ZNF469: variants seen among roughly 807,000 people sequenced by gnomAD.
The protein encoded by ZNF469 is zinc finger protein 469.
In ZNF469, 1 loss-of-function variant was observed where a neutral mutation model predicts 1.0. The observed-to-expected ratio is 1.00, with a 90% CI of 0.35 to 4.73. The LOEUF is 4.73. Among genes scored for constraint, ZNF469 ranks in the 30% most tolerant of loss-of-function variants. The pLI is 0.16. For synonymous variants in ZNF469, 2,703 were observed against 2,363.4 expected, an observed-to-expected ratio of 1.14 and a Z score of -4.17; for missense variants, 6,100 against 5,356.3, an observed-to-expected ratio of 1.14 and a Z score of -4.33.
rs749520338 is a variant in ZNF469, at chr16:88,439,226, C to A, written c.11756C>A (p.Pro3919Gln). Residue 3919 changes from proline to glutamine, a missense_variant, in exon 3 of 3, where the codon CCA (proline) becomes CAA (glutamine). Transcript: ENST00000565624. ...TAVHGAEPAE[P>Q]HTHRTAEAQS... is the part of the protein sequence containing the mutation. ...GTCCACGGTGCTGAACCTGCCGAGC[C>A]ACACACCCACCGGACGGCCGAGGCC... 6.5e-7 allele frequency: 1 copy of A among 1,550,364 alleles called. No individual in the cohort carries two copies. The highest frequency in any genetic ancestry group is 2.0e-5 in the Admixed American group (1 of 50,998).
At chr16:88,154,215 T>C in the ZNF469 span, among the ~76,000 whole-genome samples, 1 of 152,250 alleles carries the variant, frequency 6.6e-6, no homozygotes, top group African/African-American at 2.4e-5. Flanking sequence ...TGGAGTGCAG[T>C]GGCGTGATCT....
At chr16:88,417,562 G>T (rs1188819155) in intron 1 of ZNF469, among the ~76,000 whole-genome samples, 1 of 152,194 alleles carries the variant, frequency 6.6e-6, no homozygotes, top group African/African-American at 2.4e-5. Context: ...CAGATGCCTG[G>T]CGGGGCGGCC....
Position 88,424,208 on chromosome 16 carries a change from G to T in ZNF469, c.-191-599G>T, listed in dbSNP as rs1905603420. On this transcript the variant is annotated intron_variant, in intron 1 of 2. Coordinates refer to ENST00000565624, the MANE Select transcript of ZNF469 (RefSeq NM_001367624.2). This position sits in a 1 kb window ranked among gnomAD's most constrained non-coding sequence, Gnocchi z 4.3. ...TGCAGCCTGGATGCGAGGACGAGTG[G>T]ACAGAGAGTGAGAAACCTCTTCACG... Among the ~76,000 whole-genome samples, 2 of 152,220 alleles carry T rather than the reference G, an allele frequency of 1.3e-5. No individual in the cohort carries two copies. Among genetic ancestry groups the T allele is most frequent in the Admixed American group, 1.3e-4 (2 of 15,288 alleles).
the ZNF469 span, among the ~76,000 whole-genome samples, chr16:88,342,614 C>T: frequency 2.0e-5 from 3 of 152,196 alleles, no homozygotes; most frequent in Admixed American, 1.3e-4. Context: ...TGCCAGGGCC[C>T]GTCATGCAGA....
the ZNF469 span, among the ~76,000 whole-genome samples, chr16:88,224,446 G>A: frequency 6.6e-6 from 1 of 152,230 alleles, no homozygotes; most frequent in Non-Finnish European, 1.5e-5. Context: ...CTGGAGGAAA[G>A]GGCCTTCTTT....
chr16:88,110,363 A>G, the ZNF469 span, among the ~76,000 whole-genome samples: 2 of 152,366 alleles, frequency 1.3e-5, no homozygotes, highest in East Asian at 1.9e-4. Flanking sequence ...GCTCCCGCTC[A>G]CGCCGGACTG....
the ZNF469 span, among the ~76,000 whole-genome samples, chr16:88,294,399 T>A: frequency 5.9e-5 from 9 of 152,052 alleles, no homozygotes. Context: ...TCCTCAGTGG[T>A]TTAGGGCGCA....
chr16:88,174,325 T>A, the ZNF469 span, among the ~76,000 whole-genome samples: 5 of 151,784 alleles, frequency 3.3e-5, no homozygotes, highest in African/African-American at 9.7e-5. Flanking sequence ...ACATTCTTAA[T>A]TACAACTTCA....
At chr16:88,297,960 G>A in the ZNF469 span, among the ~76,000 whole-genome samples, 1 of 152,212 alleles carries the variant, frequency 6.6e-6, no homozygotes, top group Non-Finnish European at 1.5e-5. Context: ...CCAGCTTGAG[G>A]AAGGAGGTTC....
At chr16:88,331,548 C>T in the ZNF469 span, among the ~76,000 whole-genome samples, 6 of 150,050 alleles carry the variant, frequency 4.0e-5, no homozygotes, top group African/African-American at 1.5e-4. Flanking sequence ...ATCACCATCA[C>T]CACCATCGTC....
At chr16:88,273,866 G>A in the ZNF469 span, among the ~76,000 whole-genome samples, 20 of 147,454 alleles carry the variant, frequency 1.4e-4, no homozygotes, top group South Asian at 6.4e-4. Context: ...GTGCAGTGGC[G>A]CGATCTCGGC....
In ZNF469 at chr16:88,430,223, G is replaced by A. The variant is rs1450037627; in HGVS notation, c.2753G>A (p.Cys918Tyr). 7 of 1,539,238 alleles carry A rather than the reference G, an allele frequency of 4.5e-6. No homozygotes were observed. In the East Asian group the frequency reaches 1.2e-4, roughly 27 times the overall value. Residue 918 changes from cysteine (C) to tyrosine (Y), a missense_variant, in exon 3 of 3, where the codon TGC becomes TAC. Transcript: ENST00000565624. ...PQTPRPGDRG[C>Y]PARGRPKTRS... ...ACCCCCCGCCCTGGGGACAGGGGCT[G>A]CCCAGCCCGAGGCAGGCCCAAAACG...
chr16:88,204,196 C>T, the ZNF469 span, among the ~76,000 whole-genome samples: 55,344 of 144,168 alleles, frequency 0.38, 10,231 homozygotes, highest in South Asian at 0.5. Context: ...GGAGGCGCCC[C>T]GTAACCTCAT....
the ZNF469 span, among the ~76,000 whole-genome samples, chr16:88,346,175 C>T: frequency 6.6e-6 from 1 of 152,196 alleles, no homozygotes; most frequent in African/African-American, 2.4e-5. Context: ...TGGGAGTTCT[C>T]GGCTCCATCC....
At chr16:88,380,267 TCA>T (rs1455388289), upstream of ZNF469, among the ~76,000 whole-genome samples, 2 of 97,864 alleles carry the variant, frequency 2.0e-5, no homozygotes, top group African/African-American at 9.0e-5. Flanking sequence ...ACACGTGCAC[TCA>T]CACACCCAGA....
rs983966498 is a variant in ZNF469, at chr16:88,437,916, T to G, written c.10446T>G (p.Ser3482Arg). ...GGCGCAGGGTGGCCATGCCCGGCAG[T>G]GCCCCTGGGCCCGGCGAGGACAGGC... is the stretch of plus-strand genomic sequence containing the variant. The part of the protein sequence containing the change: ...SKRRRVAMPG[S>R]APGPGEDRPP... Residue 3482 changes from serine (S) to arginine (R), a missense_variant, in exon 3 of 3, where the codon AGT (serine) becomes AGG (arginine). Coordinates refer to ENST00000565624, the MANE Select transcript of ZNF469 (RefSeq NM_001367624.2). 2.6e-6 allele frequency: 4 copies of G among 1,539,856 alleles called. No homozygotes were observed. Among genetic ancestry groups the G allele is most frequent in the Non-Finnish European group, 3.5e-6 (4 of 1,141,096 alleles).
At chr16:88,402,833 A>C (rs1904921461) in intron 1 of ZNF469, among the ~76,000 whole-genome samples, 1 of 152,110 alleles carries the variant, frequency 6.6e-6, no homozygotes, top group African/African-American at 2.4e-5. Context: ...CAGTGCGGAA[A>C]CCGAGACAGG....
At chr16:88,275,106 C>A in the ZNF469 span, among the ~76,000 whole-genome samples, 1 of 152,214 alleles carries the variant, frequency 6.6e-6, no homozygotes, top group Non-Finnish European at 1.5e-5. Context: ...AATGCTCCCA[C>A]GAGCTCTGCA....
the ZNF469 span, among the ~76,000 whole-genome samples, chr16:88,276,734 CTCAG>C: frequency 1.3e-5 from 2 of 152,214 alleles, no homozygotes; most frequent in African/African-American, 4.8e-5. Context: ...CACGCTGACA[CTCAG>C]TCAGGACCCT....
Sources: allele counts gnomAD v4.1 joint callset (sites outside exome capture counted in the v4.1 genomes callset), GRCh38; gene constraint gnomAD v4.1.1; non-coding constraint Gnocchi (gnomAD v3.1); transcripts MANE v1.5; gene names NCBI Gene and HGNC (gene_info 2026-07-23, HGNC 2026-07-21).